Variants in POU5F2 observed in about 807,000 individuals in gnomAD.
POU5F2 encodes POU domain, class 5, transcription factor 2.
For missense variants in POU5F2, 401 were observed against 426.6 expected, an observed-to-expected ratio of 0.94 and a Z score of 0.53; for synonymous variants, 191 against 178.7, an observed-to-expected ratio of 1.07 and a Z score of -0.55.
At position 93,740,487 on chromosome 5, in the gene POU5F2, A is replaced by T; in HGVS notation, c.*90T>A. 7.4e-7 allele frequency: 1 copy of T among 1,355,076 alleles called. No individual in the cohort carries two copies. The allele number at this position is 1,355,076 out of a possible 1,614,324, so 83.9% of individuals were successfully genotyped here. ...GACAGTGAATGAGAAATTAATACTA[A>T]AAGCCCTCAAATGAACCCTAGGGAC... On this transcript the variant is annotated 3_prime_UTR_variant, in exon 1 of 1. Coordinates refer to ENST00000606183, the MANE Select transcript of POU5F2 (RefSeq NM_153216.2).
chr5:93,735,907 G>A lies in POU5F2; in HGVS notation c.*4670C>T, dbSNP rs1322645802. Reference sequence around the variant, plus strand: ...AATTCAGATTCTTCTGCTTGATGATGTTGTGGATTCACTGTAGTGAGTTTG... The same window carrying A: ...AATTCAGATTCTTCTGCTTGATGATATTGTGGATTCACTGTAGTGAGTTTG... On this transcript the variant is annotated 3_prime_UTR_variant, in exon 1 of 1. Transcript: ENST00000606183. 1 of 151,990 alleles carries A rather than the reference G, an allele frequency of 6.6e-6. No homozygotes were observed. The highest frequency in any genetic ancestry group is 6.6e-5 in the Admixed American group (1 of 15,260). 9.4% of individuals were successfully genotyped at this position (151,990 alleles called of 1,614,324 possible). A position where few individuals can be genotyped will look rare whatever the true frequency, so the allele number is the denominator to read the frequency against.
At position 93,740,599 on chromosome 5, in the gene POU5F2, G is replaced by C. The variant is rs781738476; in HGVS notation, c.965C>G (p.Thr322Ser). Residue 322 changes from threonine to serine, a missense_variant, in exon 1 of 1, where the codon ACT (threonine) becomes AGT (serine). Transcript: ENST00000606183. Reference protein sequence around the residue: ...GVAHSSAPATTLGLLRF With the variant: ...GVAHSSAPATSLGLLRF ...GCCCTAAAATCTGAGGAGGCCCAGAGTGGTGGCTGGGGCAGAGGAGTGGGC... is the reference window on the plus strand; with the variant it reads ...GCCCTAAAATCTGAGGAGGCCCAGACTGGTGGCTGGGGCAGAGGAGTGGGC... 1.3e-6 allele frequency: 2 copies of C among 1,598,956 alleles called. No individual in the cohort carries two copies. Among genetic ancestry groups the C allele is most frequent in the Admixed American group, 3.3e-5 (2 of 59,768 alleles).
At position 93,735,473 on chromosome 5, in the gene POU5F2, T is replaced by C. The variant is rs1747025850; in HGVS notation, c.*5104A>G. 1 of 152,242 alleles carries C rather than the reference T, an allele frequency of 6.6e-6. No homozygotes were observed. The highest frequency in any genetic ancestry group is 1.5e-5 in the Non-Finnish European group (1 of 68,064). 9.4% of individuals were successfully genotyped at this position (152,242 alleles called of 1,614,324 possible). On this transcript the variant is annotated 3_prime_UTR_variant, in exon 1 of 1. Coordinates refer to ENST00000606183, the MANE Select transcript of POU5F2 (RefSeq NM_153216.2). ...ACAATTTCTCCACATCTGTAGAGGC[T>C]GCAGAAGAACTGAAGGAGCAGCTGA...
In POU5F2 at chr5:93,740,652, G is replaced by C. The variant is rs1445502821; in HGVS notation, c.912C>G (p.His304Gln). 1 of 1,613,964 alleles carries C rather than the reference G, an allele frequency of 6.2e-7. No homozygotes were observed. Among genetic ancestry groups the C allele is most frequent in the Middle Eastern group, 1.6e-4 (1 of 6,062 alleles). ...CCCCTGCAGAGTAGAGACGTGTATA[G>C]TGGGGGATATCCACTGGGAGCCCCA... ...LGLGLPVDIPHYTRLYSAGVA... is the reference protein window; with the variant it reads ...LGLGLPVDIPQYTRLYSAGVA... Residue 304 changes from histidine to glutamine, a missense_variant, in exon 1 of 1, where the codon CAC becomes CAG. His to Gln is a conservative substitution (Grantham distance 24, BLOSUM62 0). Transcript: ENST00000606183.
In POU5F2 at chr5:93,741,181, T is replaced by A. The variant is rs1466809626; in HGVS notation, c.383A>T (p.Gln128Leu). 1 of 1,613,720 alleles carries A rather than the reference T, an allele frequency of 6.2e-7. No homozygotes were observed. Among genetic ancestry groups the A allele is most frequent in the African/African-American group, 1.3e-5 (1 of 74,898 alleles). The change falls in exon 1 of 1, where the codon CAA (glutamine) becomes CTA (leucine). Residue 128 changes from glutamine to leucine, a missense_variant. Transcript: ENST00000606183. ...CTTCTGCCTCAACTCCTTGGCCAAT[T>A]GCTGCAACTCTTTCAGTATGCCCGA... ...DISGILKELQ[Q>L]LAKELRQKRL...
rs548686751 is a variant in POU5F2, at chr5:93,734,255, C to G, written c.*6322G>C. 1 of 152,188 alleles carries G rather than the reference C, an allele frequency of 6.6e-6. No individual in the cohort carries two copies. The highest frequency in any genetic ancestry group is 2.4e-5 in the African/African-American group (1 of 41,534). The allele number at this position is 152,188 out of a possible 1,614,324, so 9.4% of individuals were successfully genotyped here. On this transcript the variant is annotated 3_prime_UTR_variant, in exon 1 of 1. Transcript: ENST00000606183. ...CATTATTTAGTCTGAACTTACAAGACTTATGTAAAATGCAACTCAGGGCCT... is the reference window on the plus strand; with the variant it reads ...CATTATTTAGTCTGAACTTACAAGAGTTATGTAAAATGCAACTCAGGGCCT...
Position 93,741,090 on chromosome 5 carries a change from C to A in POU5F2, c.474G>T (p.Val158=), listed in dbSNP as rs1748332548. 2.5e-6 allele frequency: 4 copies of A among 1,613,904 alleles called. No homozygotes were observed. The highest frequency in any genetic ancestry group is 2.2e-5 in the South Asian group (2 of 91,078). Reference sequence around the variant, plus strand: ...AGCGGCAGATGGTCGTCTGGCTAAGCACCTTCCCAAACAGAGCTCCCACAG... The same window carrying A: ...AGCGGCAGATGGTCGTCTGGCTAAGAACCTTCCCAAACAGAGCTCCCACAG... ...GIAVGALFGK[V]LSQTTICRFE... Residue 158 remains valine (V), a synonymous_variant, in exon 1 of 1, where the codon GTG becomes GTT. Coordinates refer to ENST00000606183, the MANE Select transcript of POU5F2 (RefSeq NM_153216.2).
In POU5F2 at chr5:93,740,871, C is replaced by A; in HGVS notation, c.693G>T (p.Arg231=). 6.2e-7 allele frequency: 1 copy of A among 1,614,010 alleles called. No homozygotes were observed. The highest frequency in any genetic ancestry group is 8.5e-7 in the Non-Finnish European group (1 of 1,179,888). Residue 231 remains arginine, a synonymous_variant, in exon 1 of 1, where the codon CGG becomes CGT. Transcript: ENST00000606183. ...IGNSLEKFFQ[R]CPKPTPQQIS... ...TTTGCTGGGGTGTGGGCTTAGGGCACCGCTGGAAGAATTTCTCCAGGCTGT... is the reference window on the plus strand; with the variant it reads ...TTTGCTGGGGTGTGGGCTTAGGGCAACGCTGGAAGAATTTCTCCAGGCTGT...
Position 93,741,564 on chromosome 5 carries a change from G to T in POU5F2, c.-1C>A. 6.5e-7 allele frequency: 1 copy of T among 1,538,674 alleles called. No individual in the cohort carries two copies. The highest frequency in any genetic ancestry group is 8.7e-7 in the Non-Finnish European group (1 of 1,143,822). ...GGTTTGAGGGCCTGTGTCCGGCCAT[G>T]GGTGGAATGGCACCCGCAGCGGCTC... is the stretch of plus-strand genomic sequence containing the variant. On this transcript the variant is annotated 5_prime_UTR_variant, in exon 1 of 1. Transcript: ENST00000606183.
rs1294252093 is a variant in POU5F2 at position 93,736,764 on chromosome 5, G to C, written c.*3813C>G. On this transcript the variant is annotated 3_prime_UTR_variant, in exon 1 of 1. Coordinates refer to ENST00000606183, the MANE Select transcript of POU5F2 (RefSeq NM_153216.2). ...GAAACTGTCAAAAACCCATACCCTC[G>C]CATATAAAACATTCAATAACCTAAG... 6.6e-6 allele frequency: 1 copy of C among 152,062 alleles called. No homozygotes were observed. The highest frequency in any genetic ancestry group is 1.9e-4 in the East Asian group (1 of 5,172). The allele number at this position is 152,062 out of a possible 1,614,324, so 9.4% of individuals were successfully genotyped here. A position where few individuals can be genotyped will look rare whatever the true frequency, so the allele number is the denominator to read the frequency against.
chr5:93,741,100 A>T lies in POU5F2; in HGVS notation c.464T>A (p.Phe155Tyr). 1.2e-6 allele frequency: 2 copies of T among 1,613,638 alleles called. No homozygotes were observed. Among genetic ancestry groups the T allele is most frequent in the Non-Finnish European group, 1.7e-6 (2 of 1,179,826 alleles). The part of the protein sequence containing the change: ...ADVGIAVGAL[F>Y]GKVLSQTTIC... ...GGTCGTCTGGCTAAGCACCTTCCCA[A>T]ACAGAGCTCCCACAGCGATCCCCAC... is the stretch of plus-strand genomic sequence containing the variant. The change falls in exon 1 of 1, where the codon TTT (phenylalanine) becomes TAT (tyrosine). Residue 155 changes from phenylalanine (F) to tyrosine (Y), a missense_variant. Coordinates refer to ENST00000606183, the MANE Select transcript of POU5F2 (RefSeq NM_153216.2).
chr5:93,734,365 G>T lies in POU5F2; in HGVS notation c.*6212C>A, dbSNP rs1050281474. ...ACCTATTATATAGGTACTGTCAAAA[G>T]AAATCATTTGAAAAAGTGGCAAAAG... On this transcript the variant is annotated 3_prime_UTR_variant, in exon 1 of 1. Transcript: ENST00000606183. The T allele has an allele frequency of 3.3e-5, 5 of 152,050 alleles. No individual in the cohort carries two copies. The highest frequency in any genetic ancestry group is 7.4e-5 in the Non-Finnish European group (5 of 68,004). 9.4% of individuals were successfully genotyped at this position (152,050 alleles called of 1,614,324 possible). A position where few individuals can be genotyped will look rare whatever the true frequency, so the allele number is the denominator to read the frequency against.
chr5:93,736,815 G>A lies in POU5F2; in HGVS notation c.*3762C>T, dbSNP rs920793321. ...AAAAAAGGAACTTCCTCAACATGTA[G>A]AGTACGTATGAAAAAGCCAGAGCTA... On this transcript the variant is annotated 3_prime_UTR_variant, in exon 1 of 1. Coordinates refer to ENST00000606183, the MANE Select transcript of POU5F2 (RefSeq NM_153216.2). The A allele has an allele frequency of 6.6e-6, 1 of 152,130 alleles. No homozygotes were observed. Among genetic ancestry groups the A allele is most frequent in the Non-Finnish European group, 1.5e-5 (1 of 68,018 alleles). The allele number at this position is 152,130 out of a possible 1,614,324, so 9.4% of individuals were successfully genotyped here.
chr5:93,740,402 C>A lies in POU5F2; in HGVS notation c.*175G>T. The A allele has an allele frequency of 1.6e-6, 1 of 644,954 alleles. No homozygotes were observed. The highest frequency in any genetic ancestry group is 2.6e-6 in the Non-Finnish European group (1 of 390,916). The allele number at this position is 644,954 out of a possible 1,614,324, so 40.0% of individuals were successfully genotyped here. On this transcript the variant is annotated 3_prime_UTR_variant, in exon 1 of 1. Coordinates refer to ENST00000606183, the MANE Select transcript of POU5F2 (RefSeq NM_153216.2). ...ACTGCAATAAACTTCATCTTCTCTC[C>A]CAGGTTTTTCTTGAACAATTCCCAC...
the POU5F2 span, chr5:93,741,468 CAG>C: frequency 6.2e-7 from 1 of 1,613,498 alleles, no homozygotes; most frequent in Non-Finnish European, 8.5e-7. Flanking sequence ...TCAACCAGGT[CAG>C]AGTGTCAACC....
At position 93,733,883 on chromosome 5, in the gene POU5F2, T is replaced by A. The variant is rs979982720; in HGVS notation, c.*6694A>T. On this transcript the variant is annotated 3_prime_UTR_variant, in exon 1 of 1. Coordinates refer to ENST00000606183, the MANE Select transcript of POU5F2 (RefSeq NM_153216.2). ...CATTCTGAAAAGAATTAATCTTGAA[T>A]AGATTTTGCCAAGAAAACCAATACT... The A allele has an allele frequency of 2.2e-4, 34 of 152,194 alleles. No individual in the cohort carries two copies. Among genetic ancestry groups the A allele is most frequent in the African/African-American group, 7.7e-4 (32 of 41,452 alleles). The allele number at this position is 152,194 out of a possible 1,614,324, so 9.4% of individuals were successfully genotyped here.
chr5:93,740,370 A>G lies in POU5F2; in HGVS notation c.*207T>C, dbSNP rs1220375557. 9.0e-6 allele frequency: 5 copies of G among 557,826 alleles called. No individual in the cohort carries two copies. In the African/African-American group the frequency reaches 9.3e-5, roughly 10 times the overall value. 34.6% of individuals were successfully genotyped at this position (557,826 alleles called of 1,614,324 possible). ...AATGCTAGGGAAAAACAAAGGGAAA[A>G]CACAAAACTGCAATAAACTTCATCT... On this transcript the variant is annotated 3_prime_UTR_variant, in exon 1 of 1. Transcript: ENST00000606183.
At position 93,737,176 on chromosome 5, in the gene POU5F2, A is replaced by T. The variant is rs1293143001; in HGVS notation, c.*3401T>A. 1 of 152,200 alleles carries T rather than the reference A, an allele frequency of 6.6e-6. No homozygotes were observed. Among genetic ancestry groups the T allele is most frequent in the African/African-American group, 2.4e-5 (1 of 41,436 alleles). 9.4% of individuals were successfully genotyped at this position (152,200 alleles called of 1,614,324 possible). A position where few individuals can be genotyped will look rare whatever the true frequency, so the allele number is the denominator to read the frequency against. The stretch of plus-strand genomic sequence containing the variant: ...GAACAATTTCAAAAGGAAATGAAGG[A>T]AACTATTCCATTTACAGTAGTATCC... On this transcript the variant is annotated 3_prime_UTR_variant, in exon 1 of 1. Coordinates refer to ENST00000606183, the MANE Select transcript of POU5F2 (RefSeq NM_153216.2).
Position 93,737,369 on chromosome 5 carries a change from T to C in POU5F2, c.*3208A>G, listed in dbSNP as rs1747434551. 2 of 152,162 alleles carry C rather than the reference T, an allele frequency of 1.3e-5. No individual in the cohort carries two copies. Among genetic ancestry groups the C allele is most frequent in the African/African-American group, 2.4e-5 (1 of 41,446 alleles). 9.4% of individuals were successfully genotyped at this position (152,162 alleles called of 1,614,324 possible). ...GATGACAACACTCCCTAAAGCAATA[T>C]GAGGGTTCAATGCACTCTGTAACAA... On this transcript the variant is annotated 3_prime_UTR_variant, in exon 1 of 1. Coordinates refer to ENST00000606183, the MANE Select transcript of POU5F2 (RefSeq NM_153216.2).
Sources: allele counts gnomAD v4.1 joint callset, GRCh38; gene constraint gnomAD v4.1.1; transcripts MANE v1.5; gene names NCBI Gene and HGNC (gene_info 2026-07-23, HGNC 2026-07-21).